EIF2B3: variants seen among roughly 807,000 people sequenced by gnomAD.
The protein encoded by EIF2B3 is eukaryotic translation initiation factor 2B subunit gamma.
In EIF2B3, 20 loss-of-function variants were observed where a neutral mutation model predicts 54.1. The ratio of observed to expected loss-of-function variants is 0.37; its 90% CI spans 0.26 to 0.54. EIF2B3 has a LOEUF of 0.54. Among genes scored for constraint, EIF2B3 ranks in the 20% least tolerant of loss-of-function variants. The pLI, the probability that EIF2B3 is intolerant of heterozygous loss-of-function variation, is 0.86. For missense variants in EIF2B3, 448 were observed against 547.8 expected, an observed-to-expected ratio of 0.82 and a Z score of 1.82; for synonymous variants, 153 against 188.1, an observed-to-expected ratio of 0.81 and a Z score of 1.52.
intron 5 of EIF2B3, among the ~76,000 whole-genome samples, chr1:44,923,314 T>C (rs2148930264): frequency 6.6e-6 from 1 of 152,356 alleles, no homozygotes; most frequent in East Asian, 1.9e-4. Context: ...TCAAAATAGA[T>C]GCATGGAAAA....
At chr1:44,962,734 T>C (rs1286274902) in intron 3 of EIF2B3, among the ~76,000 whole-genome samples, 1 of 152,170 alleles carries the variant, frequency 6.6e-6, no homozygotes, top group Non-Finnish European at 1.5e-5. Flanking sequence ...GTGTCTATAT[T>C]AAGGGAGTAA....
chr1:44,984,270 A>G (rs111677837), intron 1 of EIF2B3, among the ~76,000 whole-genome samples: 23,367 of 152,088 alleles, frequency 0.15, 1,905 homozygotes, highest in Non-Finnish European at 0.17. Context: ...AGATGAGAGG[A>G]TCACTTGAGC....
chr1:44,952,419 G>A (rs1188888067), intron 3 of EIF2B3, among the ~76,000 whole-genome samples: 1 of 151,856 alleles, frequency 6.6e-6, no homozygotes, highest in Admixed American at 6.6e-5. Flanking sequence ...CTTAACTGGT[G>A]GCTTTACATC....
At chr1:44,904,669 G>A (rs1363712062) in intron 5 of EIF2B3, among the ~76,000 whole-genome samples, 5 of 151,996 alleles carry the variant, frequency 3.3e-5, no homozygotes, top group African/African-American at 4.8e-5. Context: ...GCCTGCCACC[G>A]TGCCCGGCTA....
intron 3 of EIF2B3, among the ~76,000 whole-genome samples, chr1:44,950,361 G>A (rs1644147536): frequency 6.6e-6 from 1 of 152,178 alleles, no homozygotes; most frequent in Admixed American, 6.5e-5. Flanking sequence ...GTTTCAGGCT[G>A]CAGTAAGCTA....
chr1:44,951,791 C>CT (rs59135544), intron 3 of EIF2B3, among the ~76,000 whole-genome samples: 60,792 of 139,874 alleles, frequency 0.43, 13,547 homozygotes, highest in African/African-American at 0.49. Context: ...CTCCCTTCCT[C>CT]TTTTTTTTTT....
chr1:44,973,820 T>A (rs1042452179), intron 3 of EIF2B3, among the ~76,000 whole-genome samples: 2 of 152,202 alleles, frequency 1.3e-5, no homozygotes, highest in South Asian at 4.1e-4. Context: ...AGGAGGGGGA[T>A]GTTAGTATTT....
intron 3 of EIF2B3, among the ~76,000 whole-genome samples, chr1:44,973,223 G>A (rs959822626): frequency 6.6e-6 from 1 of 152,002 alleles, no homozygotes; most frequent in Non-Finnish European, 1.5e-5. Context: ...ACTGAAAGAG[G>A]GTCTCAAAGA....
intron 3 of EIF2B3, among the ~76,000 whole-genome samples, chr1:44,942,835 A>ATTTAT (rs372716208): frequency 3.8e-4 from 57 of 151,808 alleles, no homozygotes; most frequent in African/African-American, 4.3e-4. Context: ...TGCAAACATT[A>ATTTAT]TTTATTTTAT....
chr1:44,921,441 TA>T (rs1643736435), intron 5 of EIF2B3, among the ~76,000 whole-genome samples: 2 of 152,240 alleles, frequency 1.3e-5, no homozygotes, highest in Non-Finnish European at 1.5e-5. Flanking sequence ...GCTTGTGGGG[TA>T]TTACTCAAGA....
chr1:44,916,422 C>A (rs909816990), intron 5 of EIF2B3, among the ~76,000 whole-genome samples: 1 of 150,868 alleles, frequency 6.6e-6, no homozygotes, highest in African/African-American at 2.4e-5. Flanking sequence ...GAGACAAGAT[C>A]TCACCATATT....
intron 3 of EIF2B3, among the ~76,000 whole-genome samples, chr1:44,946,454 T>C (rs1448422584): frequency 6.6e-6 from 1 of 151,758 alleles, no homozygotes; most frequent in Non-Finnish European, 1.5e-5. Context: ...CTTTTTTTTT[T>C]TGAGACAGGG....
At chr1:44,927,420 A>C (rs1643864799) in intron 4 of EIF2B3, among the ~76,000 whole-genome samples, 1 of 151,956 alleles carries the variant, frequency 6.6e-6, no homozygotes, top group Non-Finnish European at 1.5e-5. Context: ...TACACCTTTA[A>C]ATGAGAACTC....
intron 5 of EIF2B3, among the ~76,000 whole-genome samples, chr1:44,913,415 T>C (rs946368642): frequency 5.3e-5 from 8 of 151,848 alleles, no homozygotes; most frequent in Admixed American, 1.3e-4. Context: ...CTGTCACAGA[T>C]ATTCTTTATG....
At chr1:44,888,790 T>A (rs762679037) in intron 6 of EIF2B3, among the ~76,000 whole-genome samples, 8 of 152,212 alleles carry the variant, frequency 5.3e-5, no homozygotes, top group Non-Finnish European at 1.0e-4. Flanking sequence ...TGGTTTTATG[T>A]CCTTGGCAAC....
chr1:44,954,726 G>A (rs1368735395), intron 3 of EIF2B3, among the ~76,000 whole-genome samples: 1 of 152,048 alleles, frequency 6.6e-6, no homozygotes, highest in Non-Finnish European at 1.5e-5. Context: ...TCTTTCTCTT[G>A]CCTGATTGCC....
chr1:44,943,714 G>A (rs1484968327), intron 3 of EIF2B3, among the ~76,000 whole-genome samples: 1 of 151,944 alleles, frequency 6.6e-6, no homozygotes, highest in African/African-American at 2.4e-5. Flanking sequence ...GTGAGCCACC[G>A]CGCCTAGCCC....
intron 11 of EIF2B3, 26 bp downstream of exon 11, chr1:44,857,678 G>T: frequency 1.2e-6 from 2 of 1,608,446 alleles, no homozygotes; most frequent in Non-Finnish European, 8.5e-7. Flanking sequence ...AGTAAAAATG[G>T]AATCTGTGAT....
chr1:44,943,948 C>T (rs1438004548), intron 3 of EIF2B3, among the ~76,000 whole-genome samples: 2 of 151,738 alleles, frequency 1.3e-5, no homozygotes, highest in Non-Finnish European at 2.9e-5. Context: ...AGTTTGAGAC[C>T]AGCCTGAGCA....
Sources: allele counts gnomAD v4.1 joint callset (sites outside exome capture counted in the v4.1 genomes callset), GRCh38; gene constraint gnomAD v4.1.1; transcripts MANE v1.5; gene names NCBI Gene and HGNC (gene_info 2026-07-23, HGNC 2026-07-21).